Variants in FARP1 observed in about 807,000 individuals in gnomAD.
FARP1 encodes FERM, ARH/RhoGEF and pleckstrin domain protein 1.
Under a neutral mutation model 128.8 loss-of-function variants are expected in FARP1, and 52 were observed. The observed-to-expected ratio is 0.40, with a 90% CI of 0.32 to 0.51. FARP1 has a LOEUF of 0.51. FARP1 is among the 20% of genes least tolerant of loss of function. The pLI is 0.45. For synonymous variants in FARP1, 580 were observed against 551.8 expected (o/e 1.05, Z -0.72); for missense variants, 1,333 against 1,367.9 (o/e 0.97, Z 0.40).
At chr13:98,258,725 A>C (rs1480180382) in intron 2 of FARP1, among the ~76,000 whole-genome samples, 2 of 151,854 alleles carry the variant, frequency 1.3e-5, no homozygotes, top group Admixed American at 1.3e-4. Context: ...TCAATTGTTC[A>C]CTGTTTTCTG....
chr13:98,346,771 G>T (rs1319207049), intron 3 of FARP1, among the ~76,000 whole-genome samples: 1 of 152,124 alleles, frequency 6.6e-6, no homozygotes, highest in Non-Finnish European at 1.5e-5. Context: ...TGATAGAATG[G>T]ATCTGTGGTA....
intron 1 of FARP1, among the ~76,000 whole-genome samples, chr13:98,186,639 A>G (rs1261944928): frequency 6.6e-6 from 1 of 152,110 alleles, no homozygotes; most frequent in Non-Finnish European, 1.5e-5. Flanking sequence ...CATTGTATGT[A>G]TATCCCATGT....
intron 2 of FARP1, among the ~76,000 whole-genome samples, chr13:98,216,646 AACAAAGAACC>A (rs1262738406): frequency 5.3e-5 from 8 of 152,182 alleles, no homozygotes; most frequent in Non-Finnish European, 1.2e-4. Flanking sequence ...CACTTCCTGG[AACAAAGAACC>A]ACACCATCTT....
At chr13:98,327,253 C>T (rs1448534141) in intron 2 of FARP1, among the ~76,000 whole-genome samples, 1 of 152,178 alleles carries the variant, frequency 6.6e-6, no homozygotes, top group Admixed American at 6.5e-5. Flanking sequence ...TATTAGGTCA[C>T]TGTAGGCTGC....
chr13:98,198,693 A>G (rs1879734027), intron 1 of FARP1, among the ~76,000 whole-genome samples: 1 of 151,798 alleles, frequency 6.6e-6, no homozygotes, highest in Non-Finnish European at 1.5e-5. Flanking sequence ...CCTGGCCAAC[A>G]CAGTGAAACC....
chr13:98,277,616 C>T (rs1024087293), intron 2 of FARP1, among the ~76,000 whole-genome samples: 10 of 152,248 alleles, frequency 6.6e-5, no homozygotes, highest in East Asian at 3.9e-4. Flanking sequence ...GGGAGACCTT[C>T]GGGGACGCCA....
chr13:98,431,194 T>G lies in FARP1; in HGVS notation c.2057T>G (p.Leu686Arg), dbSNP rs761924981. The change falls in exon 18 of 27, where the codon CTG becomes CGG. Residue 686 changes from leucine (L) to arginine (R), a missense_variant. Physicochemically the swap from Leu to Arg is moderately radical, Grantham distance 102 (BLOSUM62 -2). Coordinates refer to ENST00000319562, the MANE Select transcript of FARP1 (RefSeq NM_005766.4). ...CTCAACACCTTCCTCCTGCGGCCAC[T>G]GCACCGGCTCATGCACTACAAGCAG... Reference protein sequence around the residue: ...LPLNTFLLRPLHRLMHYKQVL... With the variant: ...LPLNTFLLRPRHRLMHYKQVL... 6.2e-6 allele frequency: 10 copies of G among 1,612,426 alleles called. No individual in the cohort carries two copies. The highest frequency in any genetic ancestry group is 8.5e-6 in the Non-Finnish European group (10 of 1,179,274).
intron 1 of FARP1, among the ~76,000 whole-genome samples, chr13:98,157,155 T>A (rs1220891610): frequency 1.3e-5 from 2 of 152,196 alleles, no homozygotes; most frequent in African/African-American, 2.4e-5. Context: ...TCAGTGCCCT[T>A]TGAGTTGACT....
intron 2 of FARP1, among the ~76,000 whole-genome samples, chr13:98,281,939 A>G (rs1408238106): frequency 6.6e-6 from 1 of 152,134 alleles, no homozygotes; most frequent in Non-Finnish European, 1.5e-5. Flanking sequence ...TGGGGCATGA[A>G]CCTCTGAATG....
chr13:98,383,937 T>C (rs2140034264), intron 6 of FARP1: 1 of 152,358 alleles, frequency 6.6e-6, no homozygotes, highest in Admixed American at 6.5e-5. Flanking sequence ...TTAGATTATC[T>C]ACCTTTGCAC....
rs9584848 is a variant in FARP1, at chr13:98,440,189, C to T, written c.2583C>T (p.Ser861=). The change falls in exon 23 of 27, where the codon AGC becomes AGT. Residue 861 remains serine, a synonymous_variant. Transcript: ENST00000319562. ...TGGCCATTGACCTGGCGGAGAAGAG[C>T]AGCAGCCCCGCCCCTGAGTTCCTGG... is the stretch of plus-strand genomic sequence containing the variant. ...IQMAIDLAEK[S]SSPAPEFLAS... The T allele has an allele frequency of 2.8e-3, 4,538 of 1,613,996 alleles. 125 individuals carry two copies. The African/African-American group carries it at 0.054, about 19-fold the overall frequency.
At position 98,393,728 on chromosome 13, in the gene FARP1, G is replaced by GCA; in HGVS notation, c.1164+10_1164+11insCA. The stretch of plus-strand genomic sequence containing the variant: ...GGAAGTGCTGGAGCAGGTCAGTGAT[G>GCA]GCGCTGTCCTATGATAACTCTGCTT... On this transcript the variant is annotated intron_variant, in intron 12 of 26. Transcript: ENST00000319562. 1 of 1,606,620 alleles carries GCA rather than the reference G, an allele frequency of 6.2e-7. No individual in the cohort carries two copies. The highest frequency in any genetic ancestry group is 1.1e-5 in the South Asian group (1 of 90,734).
At chr13:98,447,837 C>CCTGT (rs2050241489) in intron 26 of FARP1, 1 of 184,876 alleles carries the variant, frequency 5.4e-6, no homozygotes, top group Non-Finnish European at 1.1e-5. Flanking sequence ...AGAGCCAGAC[C>CCTGT]CTGTCTCAAA....
chr13:98,415,060 G>A (rs1891325432), intron 16 of FARP1, among the ~76,000 whole-genome samples: 1 of 152,088 alleles, frequency 6.6e-6, no homozygotes, highest in Admixed American at 6.5e-5. Flanking sequence ...GTGAGGTCAG[G>A]AGCTCCTTCA....
intron 1 of FARP1, among the ~76,000 whole-genome samples, chr13:98,194,732 C>T (rs971551167): frequency 1.3e-5 from 2 of 152,190 alleles, no homozygotes; most frequent in African/African-American, 4.8e-5. Flanking sequence ...GGACCTAGTC[C>T]TTAAATGGAA....
At chr13:98,355,407 A>G (rs1193052505) in intron 3 of FARP1, among the ~76,000 whole-genome samples, 2 of 152,212 alleles carry the variant, frequency 1.3e-5, no homozygotes, top group Non-Finnish European at 2.9e-5. Flanking sequence ...ATTCATACAC[A>G]TCACATATAA....
rs1336461380 is a variant in FARP1 at position 98,446,783 on chromosome 13, T to G, written c.3022T>G (p.Tyr1008Asp). ...GCTGCACTTCAAGTCCCACGTCTAC[T>G]ACTTCAGGGCGGAAAGCGAGTACAC... is the stretch of plus-strand genomic sequence containing the variant. The part of the protein sequence containing the change: ...FKLHFKSHVY[Y>D]FRAESEYTFE... The change falls in exon 26 of 27, where the codon TAC (tyrosine) becomes GAC (aspartate). Residue 1008 changes from tyrosine (Y) to aspartate (D), a missense_variant. Tyr to Asp is a radical substitution (Grantham distance 160, BLOSUM62 -3). Transcript: ENST00000319562. 7 of 1,614,182 alleles carry G rather than the reference T, an allele frequency of 4.3e-6. No homozygotes were observed. The East Asian group carries it at 1.6e-4, about 36-fold the overall frequency.
rs1889186671 is a variant in FARP1 at position 98,368,323 on chromosome 13, CAG to C, written c.398+129_398+130del. Reference sequence around the variant, plus strand: ...TGACCAGCATCTGTTCTGTACTGAACAGTTTAACCTTCCTCTTTCCCAGCCCT... The same window carrying C: ...TGACCAGCATCTGTTCTGTACTGAACTTTAACCTTCCTCTTTCCCAGCCCT... On this transcript the variant is annotated intron_variant, in intron 5 of 26. Transcript: ENST00000319562. The C allele has an allele frequency of 6.0e-6, 4 of 664,226 alleles. No individual in the cohort carries two copies. The South Asian group carries it at 8.0e-5, about 13-fold the overall frequency. The allele number at this position is 664,226 out of a possible 1,614,324, so 41.1% of individuals were successfully genotyped here.
At chr13:98,177,259 G>A in intron 1 of FARP1, 1 of 1,523,918 alleles carries the variant, frequency 6.6e-7, no homozygotes, top group Non-Finnish European at 8.8e-7. Flanking sequence ...GGCTCCCAAC[G>A]GCCGTGGCGT....
Sources: gnomAD v4.1 joint callset for allele counts (sites outside exome capture counted in the v4.1 genomes callset) on GRCh38, gnomAD v4.1.1 for gene constraint, MANE v1.5 for transcripts, NCBI Gene and HGNC (gene_info 2026-07-23, HGNC 2026-07-21) for gene names.